Variants in BEND7 observed in about 807,000 individuals in gnomAD.
BEND7 encodes BEN domain-containing protein 7.
Under a neutral mutation model 50.9 loss-of-function variants are expected in BEND7, and 28 were observed. The ratio of observed to expected loss-of-function variants is 0.55; its 90% confidence interval spans 0.41 to 0.75. BEND7 has a LOEUF of 0.75. BEND7 is among the 30% of genes least tolerant of loss of function. BEND7 has a pLI of 0.00. For missense variants in BEND7, 477 were observed against 491.3 expected, an observed-to-expected ratio of 0.97 and a Z score of 0.28; for synonymous variants, 170 against 183.9, an observed-to-expected ratio of 0.92 and a Z score of 0.61.
chr10:13,498,852 G>T (rs1334189932), intron 3 of BEND7, among the ~76,000 whole-genome samples: 4 of 152,114 alleles, frequency 2.6e-5, no homozygotes, highest in Non-Finnish European at 5.9e-5. Context: ...TACATTTCTG[G>T]GGTCCTTCGC....
intron 6 of BEND7, among the ~76,000 whole-genome samples, chr10:13,472,284 C>A (rs924298683): frequency 3.9e-5 from 6 of 152,100 alleles, no homozygotes; most frequent in Non-Finnish European, 8.8e-5. Context: ...GGGGTCAATA[C>A]CCATCATCAC....
chr10:13,525,258 T>C (rs1020676780), intron 2 of BEND7, among the ~76,000 whole-genome samples: 2 of 152,194 alleles, frequency 1.3e-5, no homozygotes, highest in African/African-American at 4.8e-5. Context: ...GGCAAAATCT[T>C]ACGTGGTTTC....
chr10:13,522,931 T>TC lies in BEND7; in HGVS notation c.145+3206_145+3207insG, dbSNP rs554267241. Among the ~76,000 whole-genome samples the TC allele has an allele frequency of 2.3e-3, 357 of 152,290 alleles. 1 individual carries two copies. The highest frequency in any genetic ancestry group is 8.4e-3 in the African/African-American group (350 of 41,534). ...ATGCTGCAAAGAGCAAATCAGGTCTTTCATGTAAAGTGCTCAGTGTGCTGC... is the reference window on the plus strand; with the variant it reads ...ATGCTGCAAAGAGCAAATCAGGTCTTCTCATGTAAAGTGCTCAGTGTGCTGC... On this transcript the variant is annotated intron_variant, in intron 2 of 8. Coordinates refer to ENST00000466271, the MANE Select transcript of BEND7 (RefSeq NM_001369863.1).
intron 5 of BEND7, among the ~76,000 whole-genome samples, chr10:13,486,191 G>A (rs912251132): frequency 1.3e-5 from 2 of 152,158 alleles, no homozygotes; most frequent in Non-Finnish European, 2.9e-5. Context: ...TTTTTAAAAT[G>A]TATGTATTTA....
chr10:13,457,027 T>C (rs183765325), intron 6 of BEND7, among the ~76,000 whole-genome samples: 18 of 152,344 alleles, frequency 1.2e-4, no homozygotes, highest in African/African-American at 3.8e-4. Flanking sequence ...TATTCGTTTA[T>C]AGAAAAATGT....
chr10:13,490,598 G>A (rs531664989), intron 5 of BEND7, among the ~76,000 whole-genome samples: 6 of 152,256 alleles, frequency 3.9e-5, no homozygotes, highest in East Asian at 1.9e-4. Context: ...TCTGTCAGCC[G>A]CATGCTGTTC....
chr10:13,494,034 A>G (rs754170392), intron 4 of BEND7, among the ~76,000 whole-genome samples: 43 of 152,240 alleles, frequency 2.8e-4, no homozygotes, highest in Admixed American at 5.9e-4. Flanking sequence ...ATTGCACTAC[A>G]TAAGAGCACA....
At chr10:13,529,042 C>T (rs1201335297), upstream of BEND7, 1 of 145,254 alleles carries the variant, frequency 6.9e-6, no homozygotes, top group Admixed American at 6.8e-5. Context: ...GGGCGCTGAC[C>T]GCCCCCGCGG....
rs373676050 is a variant in BEND7, at chr10:13,472,001, G to A, written c.1063+8898C>T. 4.0e-5 allele frequency among the ~76,000 whole-genome samples: 6 copies of A among 148,588 alleles called. No homozygotes were observed. The South Asian group carries it at 6.6e-4, about 16-fold the overall frequency. ...CTTCATCACTGTTAGACTCGGGGTC[G>A]ATACCCGTCACCACTGTTAGACTCG... On this transcript the variant is annotated intron_variant, in intron 6 of 8. Coordinates refer to ENST00000466271, the MANE Select transcript of BEND7 (RefSeq NM_001369863.1).
intron 6 of BEND7, among the ~76,000 whole-genome samples, chr10:13,474,688 G>C (rs965444813): frequency 1.3e-5 from 2 of 150,612 alleles, no homozygotes; most frequent in East Asian, 2.0e-4. Context: ...TCCGTCATCA[G>C]TGTTGGGCTC....
intron 6 of BEND7, among the ~76,000 whole-genome samples, chr10:13,477,231 T>G (rs2075515994): frequency 6.6e-6 from 1 of 152,218 alleles, no homozygotes; most frequent in Non-Finnish European, 1.5e-5. Flanking sequence ...TTCTGAGATT[T>G]TGTAAAATTA....
At chr10:13,453,813 A>G (rs1281182680) in intron 6 of BEND7, among the ~76,000 whole-genome samples, 1 of 152,272 alleles carries the variant, frequency 6.6e-6, no homozygotes, top group East Asian at 1.9e-4. Flanking sequence ...CATTACTATT[A>G]GTGCAAACAG....
At chr10:13,450,359 A>G in intron 7 of BEND7, among the ~76,000 whole-genome samples, 1 of 152,250 alleles carries the variant, frequency 6.6e-6, no homozygotes, top group East Asian at 1.9e-4. Context: ...AAATCAGACA[A>G]AAAGCATGAG....
At chr10:13,513,239 T>C (rs1204247528) in intron 2 of BEND7, among the ~76,000 whole-genome samples, 4 of 152,198 alleles carry the variant, frequency 2.6e-5, no homozygotes, top group African/African-American at 7.2e-5. Context: ...TTGCCTTCAG[T>C]GTCCACAGTT....
chr10:13,482,037 C>T (rs1444999788), intron 5 of BEND7, among the ~76,000 whole-genome samples: 3 of 152,234 alleles, frequency 2.0e-5, no homozygotes, highest in South Asian at 2.1e-4. Flanking sequence ...CTCCTTCCTG[C>T]CCATGGAGGT....
At chr10:13,438,967 C>CA, downstream of BEND7, 1 of 558,546 alleles carries the variant, frequency 1.8e-6, no homozygotes, top group South Asian at 2.2e-5. Flanking sequence ...GGCCAGGACT[C>CA]ACTGTCGTCA....
chr10:13,479,403 ACTAT>A (rs1373401483), intron 6 of BEND7, among the ~76,000 whole-genome samples: 2 of 152,108 alleles, frequency 1.3e-5, no homozygotes, highest in East Asian at 1.9e-4. Context: ...CTATTTCTTT[ACTAT>A]CTATTATTAG....
intron 2 of BEND7, among the ~76,000 whole-genome samples, chr10:13,509,413 G>C (rs2078119719): frequency 6.6e-6 from 1 of 152,158 alleles, no homozygotes; most frequent in South Asian, 2.1e-4. Context: ...GCCAGGGGTG[G>C]GTGGGCTGGT....
intron 6 of BEND7, among the ~76,000 whole-genome samples, chr10:13,461,836 G>A (rs1840273063): frequency 6.6e-6 from 1 of 152,198 alleles, no homozygotes; most frequent in Admixed American, 6.5e-5. Flanking sequence ...TTGCTGTTGA[G>A]ACTCCTGGGC....
Sources: allele counts gnomAD v4.1 joint callset (sites outside exome capture counted in the v4.1 genomes callset), GRCh38; gene constraint gnomAD v4.1.1; transcripts MANE v1.5; gene names NCBI Gene and HGNC (gene_info 2026-07-23, HGNC 2026-07-21).